The following ARHGEF26 variants were observed in gnomAD, a reference collection of about 807,000 sequenced individuals.
ARHGEF26 encodes the protein Rho guanine nucleotide exchange factor (GEF) 26.
A neutral mutation model predicts 89.4 loss-of-function variants in ARHGEF26; 59 were observed. That is an observed-to-expected ratio of 0.66 (90% CI 0.54 to 0.82). ARHGEF26 has a LOEUF of 0.82. Among genes scored for constraint, ARHGEF26 ranks in the 40% least tolerant of loss-of-function variants. The pLI, the probability that ARHGEF26 is intolerant of heterozygous loss-of-function variation, is 0.00. For missense variants in ARHGEF26, 1,234 were observed against 1,085.6 expected (o/e 1.14, Z -1.92); for synonymous variants, 500 against 428.4 (o/e 1.17, Z -2.06).
chr3:154,232,139 GT>G (rs2108270066), intron 11 of ARHGEF26, among the ~76,000 whole-genome samples: 1 of 152,202 alleles, frequency 6.6e-6, no homozygotes, highest in Admixed American at 6.5e-5. Flanking sequence ...CTTCAGAAAG[GT>G]GGTGACAGCC....
intron 6 of ARHGEF26, among the ~76,000 whole-genome samples, chr3:154,178,952 G>C (rs1713008125): frequency 6.6e-6 from 1 of 152,100 alleles, no homozygotes; most frequent in East Asian, 1.9e-4. Context: ...TGGTTCTCTT[G>C]TTACTTTGAA....
At chr3:154,219,526 C>T (rs1007506598) in intron 10 of ARHGEF26, among the ~76,000 whole-genome samples, 4 of 150,682 alleles carry the variant, frequency 2.7e-5, no homozygotes, top group African/African-American at 9.8e-5. Flanking sequence ...ACCCAAGAGG[C>T]AGAGGTTGCA....
chr3:154,223,060 A>G (rs1229549382), intron 10 of ARHGEF26, among the ~76,000 whole-genome samples: 1 of 152,218 alleles, frequency 6.6e-6, no homozygotes, highest in Non-Finnish European at 1.5e-5. Flanking sequence ...AGTTGCCTCT[A>G]CAGAGTTGGG....
At chr3:154,186,575 A>G (rs1713568931) in intron 6 of ARHGEF26, among the ~76,000 whole-genome samples, 1 of 151,984 alleles carries the variant, frequency 6.6e-6, no homozygotes. Flanking sequence ...AGCCTGGCCG[A>G]TATGGTGAAA....
At chr3:154,197,461 T>G (rs781666825) in intron 9 of ARHGEF26, among the ~76,000 whole-genome samples, 21 of 152,154 alleles carry the variant, frequency 1.4e-4, no homozygotes, top group Admixed American at 1.0e-3. Flanking sequence ...AATATTTTAT[T>G]TTAGAGAGTT....
At position 154,245,459 on chromosome 3, in the gene ARHGEF26, G is replaced by C. The variant is rs114058825; in HGVS notation, c.2300+4880G>C. ...TTGCATCCCCAAAATTATTTTCCAT[G>C]TTAAACTTCCTTTTTTGTTCCTTTG... On this transcript the variant is annotated intron_variant, in intron 12 of 14. Coordinates refer to ENST00000465093, the MANE Select transcript of ARHGEF26 (RefSeq NM_015595.4). 3.2e-3 allele frequency among the ~76,000 whole-genome samples: 485 copies of C among 152,306 alleles called. 1 individual carries two copies. The highest frequency in any genetic ancestry group is 0.011 in the African/African-American group (453 of 41,560).
intron 4 of ARHGEF26, among the ~76,000 whole-genome samples, chr3:154,143,226 A>G (rs1427462201): frequency 6.6e-6 from 1 of 152,244 alleles, no homozygotes; most frequent in Non-Finnish European, 1.5e-5. Flanking sequence ...TTCAATCACT[A>G]TTAACATTTT....
At chr3:154,124,986 A>T (rs1160150543) in intron 3 of ARHGEF26, among the ~76,000 whole-genome samples, 1 of 152,130 alleles carries the variant, frequency 6.6e-6, no homozygotes, top group African/African-American at 2.4e-5. Flanking sequence ...CTCAAAAAAA[A>T]AAAAAGCAGC....
chr3:154,165,530 A>C (rs1711960639), intron 6 of ARHGEF26, among the ~76,000 whole-genome samples: 1 of 152,194 alleles, frequency 6.6e-6, no homozygotes. Flanking sequence ...TTGGAAACTC[A>C]GGTGTTCAAA....
intron 8 of ARHGEF26, 27 bp from the exon 9 acceptor site, chr3:154,194,617 A>AT: frequency 6.5e-7 from 1 of 1,530,588 alleles, no homozygotes; most frequent in Non-Finnish European, 9.0e-7. Context: ...AGATCAATAA[A>AT]TTTTGTTCAC....
chr3:154,251,963 CAAT>C (rs1447585012), intron 12 of ARHGEF26, among the ~76,000 whole-genome samples: 1 of 152,052 alleles, frequency 6.6e-6, no homozygotes, highest in African/African-American at 2.4e-5. Context: ...ATTTTAATGG[CAAT>C]AATGAGTGGG....
chr3:154,121,834 G>A, intron 1 of ARHGEF26, 108 bp from the exon 2 acceptor site: 1 of 1,020,436 alleles, frequency 9.8e-7, no homozygotes, highest in South Asian at 1.8e-5. Flanking sequence ...GTGCGGTGCA[G>A]TCGTGTCCTG....
rs542696901 is a variant in ARHGEF26, at chr3:154,198,879, A to AT, written c.1845+4168dup. Among the ~76,000 whole-genome samples the AT allele has an allele frequency of 1.8e-3, 277 of 152,140 alleles. 1 individual carries two copies. Among genetic ancestry groups the AT allele is most frequent in the Non-Finnish European group, 2.6e-3 (179 of 67,962 alleles). On this transcript the variant is annotated intron_variant, in intron 9 of 14. Transcript: ENST00000465093. ...TGCTCCCTGAAAAGTATTGAAATAAATTTTTTTATAGATAAGTAGATACAA... is the reference window on the plus strand; with the variant it reads ...TGCTCCCTGAAAAGTATTGAAATAAATTTTTTTTATAGATAAGTAGATACAA...
intron 9 of ARHGEF26, among the ~76,000 whole-genome samples, chr3:154,210,918 G>A (rs1715322641): frequency 6.6e-6 from 1 of 151,354 alleles, no homozygotes; most frequent in Non-Finnish European, 1.5e-5. Flanking sequence ...ACTCTAGCCT[G>A]GGCGACAGAT....
At chr3:154,228,821 C>T (rs1426928275) in intron 11 of ARHGEF26, among the ~76,000 whole-genome samples, 2 of 152,160 alleles carry the variant, frequency 1.3e-5, no homozygotes, top group Non-Finnish European at 2.9e-5. Context: ...TTAGGCTTGG[C>T]CACAAGTTAC....
chr3:154,169,655 G>C lies in ARHGEF26; in HGVS notation c.1487+16723G>C, dbSNP rs1387071573. 2.6e-5 allele frequency among the ~76,000 whole-genome samples: 4 copies of C among 152,174 alleles called. No homozygotes were observed. The East Asian group carries it at 7.7e-4, about 29-fold the overall frequency. ...TATTGTAAGTTAGAGTTCTAGTGCT[G>C]TACTGCTGTTGGCGTGAGTTCAATA... On this transcript the variant is annotated intron_variant, in intron 6 of 14. Transcript: ENST00000465093.
chr3:154,177,511 G>A (rs2108153724), intron 6 of ARHGEF26, among the ~76,000 whole-genome samples: 1 of 152,282 alleles, frequency 6.6e-6, no homozygotes, highest in African/African-American at 2.4e-5. Flanking sequence ...GGTGTGACTG[G>A]GGTGGGGGAC....
chr3:154,122,925 C>T lies in ARHGEF26; in HGVS notation c.933C>T (p.Gly311=), dbSNP rs756040991. 7 of 1,613,436 alleles carry T rather than the reference C, an allele frequency of 4.3e-6. No individual in the cohort carries two copies. Among genetic ancestry groups the T allele is most frequent in the Non-Finnish European group, 5.9e-6 (7 of 1,179,716 alleles). ...DVDSPGSLRR[G]LRSTSYRRAV... is the part of the protein sequence containing the mutation. ...ATAGCCCAGGGTCTCTGCGGAGAGGCTTGCGGTCCACGTCTTATCGCAGGG... is the reference window on the plus strand; with the variant it reads ...ATAGCCCAGGGTCTCTGCGGAGAGGTTTGCGGTCCACGTCTTATCGCAGGG... Residue 311 remains glycine, a synonymous_variant, in exon 2 of 15, where the codon GGC becomes GGT. Coordinates refer to ENST00000465093, the MANE Select transcript of ARHGEF26 (RefSeq NM_015595.4).
intron 9 of ARHGEF26, among the ~76,000 whole-genome samples, chr3:154,209,842 G>C (rs1054291583): frequency 7.9e-5 from 12 of 152,270 alleles, no homozygotes; most frequent in African/African-American, 2.9e-4. Flanking sequence ...TCAGGCCAGG[G>C]AGGTCCCCCA....
Sources: gnomAD v4.1 joint callset for allele counts (sites outside exome capture counted in the v4.1 genomes callset) on GRCh38, gnomAD v4.1.1 for gene constraint, MANE v1.5 for transcripts, NCBI Gene and HGNC (gene_info 2026-07-23, HGNC 2026-07-21) for gene names.